JAKMIP1: variants seen among roughly 807,000 people sequenced by gnomAD.
JAKMIP1 encodes the protein janus kinase and microtubule-interacting protein 1.
In JAKMIP1, 33 loss-of-function variants were observed where a neutral mutation model predicts 113.0. The observed-to-expected ratio is 0.29, with a 90% CI of 0.22 to 0.39. The LOEUF is 0.39. Ranked by LOEUF, JAKMIP1 falls within the 10% of genes least tolerant of loss-of-function variation. The pLI is 1.00. For synonymous variants in JAKMIP1, 480 were observed against 459.9 expected, an observed-to-expected ratio of 1.04 and a Z score of -0.56; for missense variants, 813 against 1,080.5, an observed-to-expected ratio of 0.75 and a Z score of 3.47.
chr4:6,090,459 T>C (rs948505107), intron 3 of JAKMIP1, among the ~76,000 whole-genome samples: 2 of 152,154 alleles, frequency 1.3e-5, no homozygotes, highest in African/African-American at 4.8e-5. Flanking sequence ...AGAAAATAAA[T>C]GTCATTGTTG....
chr4:6,036,082 A>G lies in JAKMIP1; in HGVS notation c.2201T>C (p.Leu734Pro). Residue 734 changes from leucine (L) to proline (P), a missense_variant, in exon 19 of 21, where the codon CTG becomes CCG. Transcript: ENST00000409021. ...YLKIQDLEATLYTALQQEPGR... is the reference protein window; with the variant it reads ...YLKIQDLEATPYTALQQEPGR... ...CGGCTCCTGCTGCAGCGCTGTGTACAGTGTGGCCTCCAGGTCTTGGATTTT... is the reference window on the plus strand; with the variant it reads ...CGGCTCCTGCTGCAGCGCTGTGTACGGTGTGGCCTCCAGGTCTTGGATTTT... 1 of 1,555,988 alleles carries G rather than the reference A, an allele frequency of 6.4e-7. No individual in the cohort carries two copies. Among genetic ancestry groups the G allele is most frequent in the Non-Finnish European group, 8.7e-7 (1 of 1,148,988 alleles).
intron 8 of JAKMIP1, among the ~76,000 whole-genome samples, 173 bp downstream of exon 8, chr4:6,078,766 T>C (rs1720053927): frequency 6.6e-6 from 1 of 152,148 alleles, no homozygotes; most frequent in Non-Finnish European, 1.5e-5. Flanking sequence ...GACACGGCCA[T>C]ATTTATGTTG....
At chr4:6,075,310 T>C (rs1302525263) in intron 8 of JAKMIP1, among the ~76,000 whole-genome samples, 1 of 152,184 alleles carries the variant, frequency 6.6e-6, no homozygotes, top group Non-Finnish European at 1.5e-5. Flanking sequence ...CCAAGTGTAC[T>C]GAATGCCTGT....
intron 3 of JAKMIP1, among the ~76,000 whole-genome samples, chr4:6,099,285 C>T (rs1251397696): frequency 6.6e-6 from 1 of 152,154 alleles, no homozygotes; most frequent in Non-Finnish European, 1.5e-5. Context: ...GTTTTTTTCC[C>T]CTGCTTTGGT....
intron 1 of JAKMIP1, among the ~76,000 whole-genome samples, chr4:6,169,140 C>A (rs1332018232): frequency 6.6e-6 from 1 of 152,154 alleles, no homozygotes; most frequent in Non-Finnish European, 1.5e-5. Flanking sequence ...TGAATTATAT[C>A]TCAGTAACGC....
chr4:6,136,550 G>A lies in JAKMIP1; in HGVS notation c.-147-23553C>T, dbSNP rs1007951634. 7.2e-5 allele frequency among the ~76,000 whole-genome samples: 11 copies of A among 152,126 alleles called. No individual in the cohort carries two copies. The highest frequency in any genetic ancestry group is 4.1e-4 in the South Asian group (2 of 4,822). On this transcript the variant is annotated intron_variant, in intron 1 of 20. Transcript: ENST00000409021. This position sits in a 1 kb window ranked among gnomAD's most constrained non-coding sequence, Gnocchi z 5.9. The stretch of plus-strand genomic sequence containing the variant: ...TTGTATCTGAGACAATTTGGGCACT[G>A]AGCGACTAAGTTCCTGTCCACGGTC...
rs947272684 is a variant in JAKMIP1 at position 6,136,577 on chromosome 4, C to G, written c.-147-23580G>C. Among the ~76,000 whole-genome samples the G allele has an allele frequency of 6.6e-6, 1 of 152,186 alleles. No homozygotes were observed. The highest frequency in any genetic ancestry group is 2.4e-5 in the African/African-American group (1 of 41,450). ...GCGACTAAGTTCCTGTCCACGGTCACACAACCAAGGATGGCTCGTGTCACC... is the reference window on the plus strand; with the variant it reads ...GCGACTAAGTTCCTGTCCACGGTCAGACAACCAAGGATGGCTCGTGTCACC... On this transcript the variant is annotated intron_variant, in intron 1 of 20. Transcript: ENST00000409021. This position sits in a 1 kb window ranked among gnomAD's most constrained non-coding sequence, Gnocchi z 5.9.
At chr4:6,029,892 G>T in intron 19 of JAKMIP1, 111 bp from the exon 20 acceptor site, 1 of 769,458 alleles carries the variant, frequency 1.3e-6, no homozygotes. Flanking sequence ...TACCAACACT[G>T]TGGGCAGCCT....
chr4:6,152,521 C>T (rs1386061735), intron 1 of JAKMIP1, among the ~76,000 whole-genome samples: 5 of 152,176 alleles, frequency 3.3e-5, no homozygotes, highest in East Asian at 1.9e-4. Context: ...AGAGAAAACC[C>T]GACCTCTGAT....
chr4:6,146,043 A>C (rs1720809194), intron 1 of JAKMIP1, among the ~76,000 whole-genome samples: 1 of 152,212 alleles, frequency 6.6e-6, no homozygotes, highest in African/African-American at 2.4e-5. Context: ...ATAGATGAAT[A>C]GACAAATAAA....
intron 1 of JAKMIP1, among the ~76,000 whole-genome samples, chr4:6,171,104 C>T (rs1281570619): frequency 1.4e-5 from 2 of 147,142 alleles, no homozygotes; most frequent in Non-Finnish European, 3.0e-5. Flanking sequence ...CTACTACCAC[C>T]ATCATCACCA....
rs1717311396 is a variant in JAKMIP1, at chr4:6,061,731, CG to C, written c.1560+580del. On this transcript the variant is annotated intron_variant, in intron 10 of 20. Transcript: ENST00000409021. The surrounding 1 kb of genome is among the most constrained non-coding windows in gnomAD (Gnocchi z 5.3). ...CAGGGAAGCACCCGTGTGTGCTCTC[CG>C]GGAGTCCTCCACACTCCCAGGAGGA... Among the ~76,000 whole-genome samples, 1 of 152,144 alleles carries C rather than the reference CG, an allele frequency of 6.6e-6. No individual in the cohort carries two copies. Among genetic ancestry groups the C allele is most frequent in the Non-Finnish European group, 1.5e-5 (1 of 68,026 alleles).
intron 1 of JAKMIP1, among the ~76,000 whole-genome samples, chr4:6,119,273 G>C (rs941042426): frequency 6.6e-6 from 1 of 151,264 alleles, no homozygotes; most frequent in Non-Finnish European, 1.5e-5. Context: ...GCCGGGCGCG[G>C]TGGCTCACGC....
In JAKMIP1 at chr4:6,136,431, C is replaced by T. The variant is rs543856780; in HGVS notation, c.-147-23434G>A. Among the ~76,000 whole-genome samples, 5 of 152,136 alleles carry T rather than the reference C, an allele frequency of 3.3e-5. No homozygotes were observed. Among genetic ancestry groups the T allele is most frequent in the African/African-American group, 1.2e-4 (5 of 41,498 alleles). Reference sequence around the variant, plus strand: ...AGGAATGAAGGAAGCAAAGCCACGACGTTGAGGGACCTGCTGGAAGGAACT... The same window carrying T: ...AGGAATGAAGGAAGCAAAGCCACGATGTTGAGGGACCTGCTGGAAGGAACT... On this transcript the variant is annotated intron_variant, in intron 1 of 20. Coordinates refer to ENST00000409021, the MANE Select transcript of JAKMIP1 (RefSeq NM_001099433.2). This position sits in a 1 kb window ranked among gnomAD's most constrained non-coding sequence, Gnocchi z 5.9.
chr4:6,137,494 G>A lies in JAKMIP1; in HGVS notation c.-147-24497C>T, dbSNP rs1719415619. 6.6e-6 allele frequency among the ~76,000 whole-genome samples: 1 copy of A among 152,172 alleles called. No homozygotes were observed. The highest frequency in any genetic ancestry group is 2.4e-5 in the African/African-American group (1 of 41,442). On this transcript the variant is annotated intron_variant, in intron 1 of 20. Coordinates refer to ENST00000409021, the MANE Select transcript of JAKMIP1 (RefSeq NM_001099433.2). The surrounding 1 kb of genome is among the most constrained non-coding windows in gnomAD (Gnocchi z 4.5). ...TGGGTGACAGCAGACGTGCTAAGTA[G>A]GAACCCCCTTCAAGTCCTTTGCTCA...
rs148463794 is a variant in JAKMIP1, at chr4:6,097,282, C to G, written c.624+8191G>C. Among the ~76,000 whole-genome samples, 87 of 152,354 alleles carry G rather than the reference C, an allele frequency of 5.7e-4. No homozygotes were observed. Among genetic ancestry groups the G allele is most frequent in the African/African-American group, 1.9e-3 (81 of 41,574 alleles). On this transcript the variant is annotated intron_variant, in intron 3 of 20. Transcript: ENST00000409021. The surrounding 1 kb of genome is among the most constrained non-coding windows in gnomAD (Gnocchi z 4.3). ...GATGTATTGGGATTACAGTCATGAG[C>G]CATCTCGCCCCGTTCTGACTCTGAA...
Position 6,180,290 on chromosome 4 carries a change from C to T in JAKMIP1, c.-148+19963G>A, listed in dbSNP as rs1725871702. ...TTCAGAACCCACAAAAAATTCTCAT[C>T]AAATAGAAATGAGAGTTGTTTATCA... On this transcript the variant is annotated intron_variant, in intron 1 of 20. Transcript: ENST00000409021. The surrounding 1 kb of genome is among the most constrained non-coding windows in gnomAD (Gnocchi z 4.5). Among the ~76,000 whole-genome samples the T allele has an allele frequency of 6.6e-6, 1 of 152,168 alleles. No individual in the cohort carries two copies. Among genetic ancestry groups the T allele is most frequent in the Non-Finnish European group, 1.5e-5 (1 of 68,034 alleles).
intron 3 of JAKMIP1, among the ~76,000 whole-genome samples, chr4:6,105,137 T>C (rs1713686152): frequency 6.6e-6 from 1 of 152,246 alleles, no homozygotes; most frequent in Non-Finnish European, 1.5e-5. Context: ...TGCCCTGACC[T>C]GTGGCATCTT....
intron 1 of JAKMIP1, among the ~76,000 whole-genome samples, chr4:6,169,887 A>G (rs907695820): frequency 6.6e-6 from 1 of 151,408 alleles, no homozygotes; most frequent in Non-Finnish European, 1.5e-5. Flanking sequence ...AGTGCTCACA[A>G]GAGTGCCTAC....
Sources: allele counts gnomAD v4.1 joint callset (sites outside exome capture counted in the v4.1 genomes callset), GRCh38; gene constraint gnomAD v4.1.1; non-coding constraint Gnocchi (gnomAD v3.1); transcripts MANE v1.5; gene names NCBI Gene and HGNC (gene_info 2026-07-23, HGNC 2026-07-21).